The following SLF2 variants were observed in gnomAD, a reference collection of about 807,000 sequenced individuals.
The protein encoded by SLF2 is SMC5/6 complex localization factor 2.
SLF2 carries 68 observed loss-of-function variants against 124.3 expected under a neutral mutation model. That is an observed-to-expected ratio of 0.55 (90% confidence interval 0.45 to 0.67). The LOEUF (loss-of-function observed/expected upper bound fraction) is 0.67. SLF2 is among the 30% of genes least tolerant of loss of function. The probability of loss-of-function intolerance (pLI) is 0.00; values close to 1 mark genes in which losing one functional copy is unlikely to be tolerated. For missense variants in SLF2, 1,246 were observed against 1,373.7 expected, an observed-to-expected ratio of 0.91 and a Z score of 1.47; for synonymous variants, 480 against 478.8, an observed-to-expected ratio of 1.00 and a Z score of -0.03.
At chr10:100,957,704 TAGG>T (rs1850359818) in intron 18 of SLF2, among the ~76,000 whole-genome samples, 1 of 151,952 alleles carries the variant, frequency 6.6e-6, no homozygotes, top group Non-Finnish European at 1.5e-5. Flanking sequence ...GTCTGAGCTC[TAGG>T]GTGGAAATGA....
At chr10:100,918,357 A>G (rs779212439) in intron 3 of SLF2, 27 bp from the exon 4 acceptor site, 1 of 1,493,424 alleles carries the variant, frequency 6.7e-7, no homozygotes, top group Admixed American at 2.0e-5. Flanking sequence ...CCAACACTTA[A>G]TTAATTTTAT....
intron 12 of SLF2, among the ~76,000 whole-genome samples, chr10:100,944,408 T>A (rs1172069748): frequency 1.4e-5 from 2 of 143,456 alleles, no homozygotes; most frequent in Non-Finnish European, 3.0e-5. Flanking sequence ...GGCAGGAGAA[T>A]GGCGTGAACC....
intron 6 of SLF2, among the ~76,000 whole-genome samples, chr10:100,927,421 A>G (rs1249529351): frequency 2.8e-4 from 43 of 152,234 alleles, no homozygotes; most frequent in Admixed American, 2.8e-3. Flanking sequence ...ATGTGTCAGA[A>G]TTTCCGTTCT....
chr10:100,960,912 A>C (rs1272111831), intron 19 of SLF2, among the ~76,000 whole-genome samples: 1 of 148,052 alleles, frequency 6.8e-6, no homozygotes, highest in Non-Finnish European at 1.5e-5. Context: ...CTCAAATTTT[A>C]ATGTACATAG....
At position 100,930,039 on chromosome 10, in the gene SLF2, A is replaced by C. The variant is rs765737938; in HGVS notation, c.2333+42A>C. The C allele has an allele frequency of 7.6e-6, 10 of 1,314,512 alleles. No individual in the cohort carries two copies. The East Asian group carries it at 2.3e-4, about 30-fold the overall frequency. The allele number at this position is 1,314,512 out of a possible 1,614,324, so 81.4% of individuals were successfully genotyped here. On this transcript the variant is annotated intron_variant, in intron 8 of 19. Transcript: ENST00000238961. ...ACATTTTACTTTTATATGTATAAAA[A>C]ATTACTCTAAAACACTTCTGACTCA...
intron 11 of SLF2, 146 bp from the exon 12 acceptor site, chr10:100,943,880 T>G: frequency 3.7e-6 from 2 of 545,582 alleles, no homozygotes; most frequent in Non-Finnish European, 6.5e-6. Context: ...TATATGATTA[T>G]CAAAACTTAA....
In SLF2 at chr10:100,925,972, C is replaced by T. The variant is rs760685155; in HGVS notation, c.1995C>T (p.Tyr665=). 2.8e-5 allele frequency: 45 copies of T among 1,606,522 alleles called. No individual in the cohort carries two copies. Among genetic ancestry groups the T allele is most frequent in the Non-Finnish European group, 3.5e-5 (41 of 1,176,058 alleles). ...DYTGHVHPGT[Y]TNTLERLVKE... Reference sequence around the variant, plus strand: ...AGGGACATGTTCATCCTGGAACTTACACAAATACCTTAGAACGTCTAGTGA... The same window carrying T: ...AGGGACATGTTCATCCTGGAACTTATACAAATACCTTAGAACGTCTAGTGA... Residue 665 remains tyrosine (Y), a synonymous_variant, in exon 6 of 20, where the codon TAC becomes TAT. Coordinates refer to ENST00000238961, the MANE Select transcript of SLF2 (RefSeq NM_018121.4).
rs1849519357 is a variant in SLF2 at position 100,921,240 on chromosome 10, T to C, written c.974-2735T>C. Reference sequence around the variant, plus strand: ...TTTGGATTTTTCCTTTTTCTTGAGATGGAGTCTCACTGTCTCCTAGGCTGG... The same window carrying C: ...TTTGGATTTTTCCTTTTTCTTGAGACGGAGTCTCACTGTCTCCTAGGCTGG... On this transcript the variant is annotated intron_variant, in intron 4 of 19. Coordinates refer to ENST00000238961, the MANE Select transcript of SLF2 (RefSeq NM_018121.4). 1.3e-5 allele frequency among the ~76,000 whole-genome samples: 2 copies of C among 152,196 alleles called. 1 individual carries two copies. The highest frequency in any genetic ancestry group is 3.9e-4 in the East Asian group (2 of 5,184).
intron 11 of SLF2, among the ~76,000 whole-genome samples, chr10:100,941,970 A>G (rs1397530884): frequency 6.6e-6 from 1 of 152,232 alleles, no homozygotes; most frequent in Admixed American, 6.5e-5. Context: ...TAAGTGAGAA[A>G]AGGAAGCTGC....
chr10:100,961,966 C>T lies in SLF2; in HGVS notation c.*54C>T, dbSNP rs11190772. The stretch of plus-strand genomic sequence containing the variant: ...CAAGAGAAATTCAATAAGAGCCTTT[C>T]ATAGAGGAGTAGAAAGGATTATTAC... On this transcript the variant is annotated 3_prime_UTR_variant, in exon 20 of 20. Transcript: ENST00000238961. 1.2e-3 allele frequency: 1,864 copies of T among 1,505,422 alleles called. 26 individuals are homozygous for T. In the African/African-American group the frequency reaches 0.022, roughly 18 times the overall value. 93.3% of individuals were successfully genotyped at this position (1,505,422 alleles called of 1,614,324 possible).
chr10:100,914,591 A>G (rs11597119), intron 1 of SLF2, among the ~76,000 whole-genome samples: 52,633 of 152,016 alleles, frequency 0.35, 10,591 homozygotes, highest in Middle Eastern at 0.53. Flanking sequence ...TCTCTCCTCA[A>G]TCAATAACAA....
intron 9 of SLF2, among the ~76,000 whole-genome samples, chr10:100,935,366 G>A (rs1433232562): frequency 6.6e-6 from 1 of 151,904 alleles, no homozygotes; most frequent in African/African-American, 2.4e-5. Flanking sequence ...CTGCACTCCA[G>A]CCTGGGTGAC....
chr10:100,925,816 C>G, intron 5 of SLF2, 133 bp from the exon 6 acceptor site: 4 of 844,570 alleles, frequency 4.7e-6, no homozygotes, highest in Non-Finnish European at 7.1e-6. Context: ...TGAAAATTAT[C>G]CTTTAAGAAA....
At position 100,929,828 on chromosome 10, in the gene SLF2, A is replaced by G; in HGVS notation, c.2166-2A>G. ...TATTGATTGACTTTTTTTATGTTTCAGGGAATTTCTAAAGAAATTTTCAGT... is the reference window on the plus strand; with the variant it reads ...TATTGATTGACTTTTTTTATGTTTCGGGGAATTTCTAAAGAAATTTTCAGT... On this transcript the variant is annotated splice_acceptor_variant, in intron 7 of 19. Coordinates refer to ENST00000238961, the MANE Select transcript of SLF2 (RefSeq NM_018121.4). LOFTEE classifies it high-confidence loss of function. 1 of 1,570,898 alleles carries G rather than the reference A, an allele frequency of 6.4e-7. No individual in the cohort carries two copies. The highest frequency in any genetic ancestry group is 1.4e-5 in the African/African-American group (1 of 72,620).
rs1269184507 is a variant in SLF2, at chr10:100,963,513, A to G, written c.*1601A>G. The G allele has an allele frequency of 6.5e-6, 1 of 152,672 alleles. No individual in the cohort carries two copies. The highest frequency in any genetic ancestry group is 1.5e-5 in the Non-Finnish European group (1 of 68,048). The allele number at this position is 152,672 out of a possible 1,614,324, so 9.5% of individuals were successfully genotyped here. ...TTGTTACAAAATGCCACTTATGGTT[A>G]AAGAGATAGATACAAAGAGTTCTAT... On this transcript the variant is annotated 3_prime_UTR_variant, in exon 20 of 20. Coordinates refer to ENST00000238961, the MANE Select transcript of SLF2 (RefSeq NM_018121.4).
chr10:100,913,400 G>C (rs905191649), intron 1 of SLF2, 150 bp downstream of exon 1: 19 of 1,359,834 alleles, frequency 1.4e-5, no homozygotes, highest in Admixed American at 3.6e-5. Flanking sequence ...CCCCGCCTCC[G>C]CGCAGGGGCT....
intron 4 of SLF2, among the ~76,000 whole-genome samples, chr10:100,922,331 G>A (rs901873611): frequency 6.6e-6 from 1 of 152,128 alleles, no homozygotes. Context: ...CCAAAGTGCT[G>A]GGATTACAGG....
chr10:100,955,272 A>G (rs1850309137), intron 17 of SLF2, among the ~76,000 whole-genome samples: 2 of 152,054 alleles, frequency 1.3e-5, no homozygotes, highest in South Asian at 4.2e-4. Context: ...AAAAGTCACA[A>G]ACTGATTTTG....
rs1390762378 is a variant in SLF2, at chr10:100,964,912, T to C, written c.*3000T>C. On this transcript the variant is annotated 3_prime_UTR_variant, in exon 20 of 20. Transcript: ENST00000238961. ...CACGTAGAGCAGTTAGCATGATCCA[T>C]GGTTATTCCTTACTCATGAACAGTG... 2 of 152,450 alleles carry C rather than the reference T, an allele frequency of 1.3e-5. No homozygotes were observed. The highest frequency in any genetic ancestry group is 1.9e-4 in the East Asian group (1 of 5,198). The allele number at this position is 152,450 out of a possible 1,614,324, so 9.4% of individuals were successfully genotyped here. A position where few individuals can be genotyped will look rare whatever the true frequency, so the allele number is the denominator to read the frequency against.
Sources: allele counts gnomAD v4.1 joint callset (sites outside exome capture counted in the v4.1 genomes callset), GRCh38; gene constraint gnomAD v4.1.1; transcripts MANE v1.5; gene names NCBI Gene and HGNC (gene_info 2026-07-23, HGNC 2026-07-21).